Variants in PCDHGA3 observed in about 807,000 individuals in gnomAD.
The protein encoded by PCDHGA3 is protocadherin gamma-A3.
In PCDHGA3, 40 loss-of-function variants were observed where a neutral mutation model predicts 58.5. That is an observed-to-expected ratio of 0.68 (90% CI 0.53 to 0.89). The LOEUF is 0.89. PCDHGA3 is among the 40% of genes least tolerant of loss of function. The pLI is 0.00. For missense variants in PCDHGA3, 1,223 were observed against 1,195.9 expected, an observed-to-expected ratio of 1.02 and a Z score of -0.33; for synonymous variants, 530 against 525.7, an observed-to-expected ratio of 1.01 and a Z score of -0.11.
chr5:141,350,441 A>T (rs754364956), intron 1 of PCDHGA3: 7 of 1,610,584 alleles, frequency 4.3e-6, no homozygotes, highest in Non-Finnish European at 5.9e-6. Flanking sequence ...GGAGTTGCCA[A>T]CTCGAAAACT....
chr5:141,423,138 C>A (rs767107885), intron 1 of PCDHGA3: 3 of 1,613,606 alleles, frequency 1.9e-6, no homozygotes, highest in Non-Finnish European at 2.5e-6. Context: ...TGGACAGAGA[C>A]GCGCTCAAGC....
intron 1 of PCDHGA3, chr5:141,361,431 C>A: frequency 4.3e-6 from 7 of 1,614,054 alleles, no homozygotes; most frequent in Non-Finnish European, 5.9e-6. Context: ...AGCCGCCCCT[C>A]TCCTCCAGCA....
At chr5:141,422,110 T>A in intron 1 of PCDHGA3, 1 of 1,606,626 alleles carries the variant, frequency 6.2e-7, no homozygotes, top group South Asian at 1.1e-5. Flanking sequence ...AATATTCCAA[T>A]TGGATTCACA....
chr5:141,501,164 G>C (rs991995325), intron 2 of PCDHGA3, among the ~76,000 whole-genome samples: 32 of 152,144 alleles, frequency 2.1e-4, no homozygotes, highest in African/African-American at 7.7e-4. Context: ...ACCATCCCCA[G>C]CCTCATTTAC....
intron 3 of PCDHGA3, among the ~76,000 whole-genome samples, chr5:141,508,943 CAG>C (rs1562237475): frequency 1.3e-5 from 2 of 151,982 alleles, no homozygotes; most frequent in Admixed American, 6.6e-5. Context: ...TTAGGGAAAA[CAG>C]AGAAATGTCA....
chr5:141,364,154 G>T (rs1052849617), intron 1 of PCDHGA3: 10 of 590,840 alleles, frequency 1.7e-5, no homozygotes, highest in Admixed American at 3.8e-5. Flanking sequence ...AGAAGCTGCC[G>T]CAGAGGCGAC....
intron 1 of PCDHGA3, chr5:141,365,874 A>G (rs1015574143): frequency 3.1e-6 from 5 of 1,613,932 alleles, no homozygotes; most frequent in African/African-American, 2.7e-5. Flanking sequence ...GGTGTCCTGT[A>G]TGCTCTGAGA....
At chr5:141,430,782 G>A (rs1220976669) in intron 1 of PCDHGA3, 2 of 1,510,858 alleles carry the variant, frequency 1.3e-6, no homozygotes, top group Non-Finnish European at 1.8e-6. Flanking sequence ...CGACTGCACC[G>A]GGACTACAAA....
chr5:141,352,541 T>C, intron 1 of PCDHGA3: 1 of 1,613,748 alleles, frequency 6.2e-7, no homozygotes, highest in South Asian at 1.1e-5. Context: ...AAAGACAGAG[T>C]TTAATTCTCT....
At chr5:141,352,462 G>T (rs757771594) in intron 1 of PCDHGA3, 2 of 1,613,998 alleles carry the variant, frequency 1.2e-6, no homozygotes, top group East Asian at 2.2e-5. Context: ...CTGGGCCCGG[G>T]GTTCCTCCCA....
chr5:141,374,352 T>C lies in PCDHGA3; in HGVS notation c.2424+27895T>C, dbSNP rs1288920388. The C allele has an allele frequency of 4.3e-6, 7 of 1,614,010 alleles. No homozygotes were observed. The Admixed American group carries it at 5.0e-5, about 12-fold the overall frequency. On this transcript the variant is annotated intron_variant, in intron 1 of 3. Transcript: ENST00000253812. ...GGCAGCTTGGTCACCGCGGGTAGGA[T>C]AGACCGCGAGGAGCTCTGTGCTCAG...
At chr5:141,351,627 A>T (rs931649944) in intron 1 of PCDHGA3, 1 of 1,614,056 alleles carries the variant, frequency 6.2e-7, no homozygotes, top group Non-Finnish European at 8.5e-7. Context: ...TATGTGGTCC[A>T]CGTGTCTGAG....
intron 1 of PCDHGA3, chr5:141,419,237 C>A (rs2096348240): frequency 6.2e-7 from 1 of 1,613,988 alleles, no homozygotes; most frequent in Non-Finnish European, 8.5e-7. Flanking sequence ...CTACCTGGTC[C>A]ACGTGCCAGA....
intron 1 of PCDHGA3, among the ~76,000 whole-genome samples, chr5:141,450,006 CTTTTT>C (rs1554136305): frequency 1.5e-5 from 2 of 132,980 alleles, no homozygotes; most frequent in African/African-American, 2.8e-5. Flanking sequence ...TGCCATGTCT[CTTTTT>C]TTTTTTTTTT....
At position 141,512,951 on chromosome 5, in the gene PCDHGA3, AATAAT is replaced by A. The variant is rs1231390259; in HGVS notation, c.*1780_*1784del. 2.1e-5 allele frequency: 3 copies of A among 141,994 alleles called. No homozygotes were observed. Among genetic ancestry groups the A allele is most frequent in the Non-Finnish European group, 4.8e-5 (3 of 62,372 alleles). The allele number at this position is 141,994 out of a possible 1,614,324, so 8.8% of individuals were successfully genotyped here. A position where few individuals can be genotyped will look rare whatever the true frequency, so the allele number is the denominator to read the frequency against. On this transcript the variant is annotated 3_prime_UTR_variant, in exon 4 of 4. Coordinates refer to ENST00000253812, the MANE Select transcript of PCDHGA3 (RefSeq NM_018916.4). ...TATGGCTTTTTTTCTTCGACAAAAAAATAATAAAACGTTTCTTCTGAAAAGCTGAA... is the reference window on the plus strand; with the variant it reads ...TATGGCTTTTTTTCTTCGACAAAAAAAAAACGTTTCTTCTGAAAAGCTGAA...
In PCDHGA3 at chr5:141,346,157, C is replaced by A; in HGVS notation, c.2124C>A (p.Val708=). The A allele has an allele frequency of 3.7e-6, 6 of 1,614,004 alleles. No homozygotes were observed. Among genetic ancestry groups the A allele is most frequent in the Non-Finnish European group, 5.1e-6 (6 of 1,179,926 alleles). ...TCTCCTGCGTCTTCCTGGCCTTCGT[C>A]ATCGTGCTGCTGGCGCTCAGGCTGC... ...AAVSCVFLAF[V]IVLLALRLRR... Residue 708 remains valine, a synonymous_variant, in exon 1 of 4, where the codon GTC becomes GTA. Coordinates refer to ENST00000253812, the MANE Select transcript of PCDHGA3 (RefSeq NM_018916.4).
chr5:141,370,865 G>T (rs749306291), intron 1 of PCDHGA3: 1 of 1,614,004 alleles, frequency 6.2e-7, no homozygotes, highest in Non-Finnish European at 8.5e-7. Context: ...TGGAATCTGC[G>T]CAAGATCCTG....
At chr5:141,494,938 G>A in intron 2 of PCDHGA3, 73 bp downstream of exon 2, 1 of 1,611,916 alleles carries the variant, frequency 6.2e-7, no homozygotes, top group South Asian at 1.1e-5. Context: ...AGGAGATGGG[G>A]GAGGGCCCAG....
At chr5:141,422,345 A>G in intron 1 of PCDHGA3, 1 of 1,551,648 alleles carries the variant, frequency 6.4e-7, no homozygotes, top group South Asian at 1.3e-5. Context: ...CTAAATGTGC[A>G]AGATCAAGAT....
Sources: gnomAD v4.1 joint callset for allele counts (sites outside exome capture counted in the v4.1 genomes callset) on GRCh38, gnomAD v4.1.1 for gene constraint, MANE v1.5 for transcripts, NCBI Gene and HGNC (gene_info 2026-07-23, HGNC 2026-07-21) for gene names.